The following EVC variants were observed in gnomAD, a reference collection of about 807,000 sequenced individuals.
EVC encodes the protein evC complex member EVC.
EVC carries 116 observed loss-of-function variants against 118.9 expected under a neutral mutation model. That is an observed-to-expected ratio of 0.98 (90% CI 0.84 to 1.14). The LOEUF (loss-of-function observed/expected upper bound fraction) is 1.14. Ranked by LOEUF, EVC falls within the 50% of genes most tolerant of loss-of-function variation. The pLI is 0.00. For synonymous variants in EVC, 619 were observed against 534.7 expected (o/e 1.16, Z -2.18); for missense variants, 1,401 against 1,246.4 (o/e 1.12, Z -1.87).
the EVC span, among the ~76,000 whole-genome samples, chr4:5,827,733 G>GCACGCACACACACACACA: frequency 2.9e-5 from 4 of 138,276 alleles, no homozygotes; most frequent in African/African-American, 1.1e-4. Context: ...ATGTGCGCGT[G>GCACGCACACACACACACA]CACACACACA....
At chr4:5,770,096 C>T (rs1300207335) in intron 11 of EVC, among the ~76,000 whole-genome samples, 1 of 152,074 alleles carries the variant, frequency 6.6e-6, no homozygotes, top group East Asian at 1.9e-4. Flanking sequence ...TTCTGGGTGT[C>T]CTCTCCTGGT....
At chr4:5,828,235 A>G in the EVC span, 5 of 985,350 alleles carry the variant, frequency 5.1e-6, no homozygotes, top group Non-Finnish European at 6.0e-6. Context: ...CCCTCCCATG[A>G]TCCACCCACC....
In EVC at chr4:5,743,970, T is replaced by C. The variant is rs2152018920; in HGVS notation, c.802-1234T>C. On this transcript the variant is annotated intron_variant, in intron 6 of 20. Coordinates refer to ENST00000264956, the MANE Select transcript of EVC (RefSeq NM_153717.3). The surrounding 1 kb of genome is among the most constrained non-coding windows in gnomAD (Gnocchi z 4.7). ...GTTATAATAGAAAGAATAAGAGCCT[T>C]GGAGTCTGCAGACCTCAGATCAAAT... 1.3e-5 allele frequency among the ~76,000 whole-genome samples: 2 copies of C among 152,278 alleles called. No individual in the cohort carries two copies. The highest frequency in any genetic ancestry group is 3.9e-4 in the East Asian group (2 of 5,184).
At chr4:5,763,377 G>T in intron 11 of EVC, among the ~76,000 whole-genome samples, 1 of 147,152 alleles carries the variant, frequency 6.8e-6, no homozygotes, top group South Asian at 2.2e-4. Flanking sequence ...TTGACTTGGC[G>T]ATGTGGGCTC....
chr4:5,760,920 C>T (rs996689949), intron 11 of EVC, among the ~76,000 whole-genome samples: 8 of 152,186 alleles, frequency 5.3e-5, no homozygotes, highest in African/African-American at 1.9e-4. Context: ...TTTACTTTGC[C>T]ATTTCATCAC....
chr4:5,741,670 C>A, intron 5 of EVC, 46 bp from the exon 6 acceptor site: 1 of 1,141,952 alleles, frequency 8.8e-7, no homozygotes, highest in African/African-American at 1.5e-5. Flanking sequence ...ACAAAAATAC[C>A]ATTGATTAAA....
downstream of EVC, among the ~76,000 whole-genome samples, chr4:5,817,121 G>T (rs1007538643): frequency 2.0e-5 from 3 of 152,232 alleles, no homozygotes; most frequent in African/African-American, 7.2e-5. Context: ...TGCCCACATG[G>T]CTACAAGTGA....
rs760124824 is a variant in EVC at position 5,809,619 on chromosome 4, A to G, written c.2782+8A>G. On this transcript the variant is annotated splice_region_variant and intron_variant, in intron 19 of 20. Coordinates refer to ENST00000264956, the MANE Select transcript of EVC (RefSeq NM_153717.3). ...CTAAGCGTGGGCTGCTAGGTGAGTC[A>G]CAGATGCTTGAGTTGCAGCGGGAAG... 6.2e-7 allele frequency: 1 copy of G among 1,613,618 alleles called. No individual in the cohort carries two copies. The highest frequency in any genetic ancestry group is 2.2e-5 in the East Asian group (1 of 44,876).
intron 11 of EVC, among the ~76,000 whole-genome samples, chr4:5,778,425 C>G (rs1735061601): frequency 6.6e-6 from 1 of 151,162 alleles, no homozygotes; most frequent in Non-Finnish European, 1.5e-5. Context: ...CTGACTTCCA[C>G]AATGGTTGAA....
intron 5 of EVC, 148 bp downstream of exon 5, chr4:5,733,583 A>G: frequency 1.3e-6 from 1 of 775,728 alleles, no homozygotes. Flanking sequence ...CGGCGCTGTC[A>G]GGCATGCAGC....
chr4:5,736,982 C>T (rs1727793551), intron 5 of EVC, among the ~76,000 whole-genome samples: 1 of 152,178 alleles, frequency 6.6e-6, no homozygotes, highest in Admixed American at 6.5e-5. Flanking sequence ...CTGAGATAGG[C>T]TGAAAGCTGG....
intron 8 of EVC, 58 bp downstream of exon 8, chr4:5,748,364 C>G: frequency 6.3e-7 from 1 of 1,588,816 alleles, no homozygotes; most frequent in Middle Eastern, 1.8e-4. Flanking sequence ...GATATGGAAT[C>G]CTGAGGCTTG....
At chr4:5,801,898 G>A (rs1284254249) in intron 15 of EVC, 52 bp from the exon 16 acceptor site, 2 of 1,598,400 alleles carry the variant, frequency 1.3e-6, no homozygotes, top group East Asian at 2.2e-5. Context: ...GGCCGTGGGT[G>A]GCTCCCACGT....
rs372548610 is a variant in EVC at position 5,745,322 on chromosome 4, C to G, written c.920C>G (p.Ser307Cys). ...GTGGAAAAGAAGGAGAGAGAATACT[C>G]TGAACAGCTAATCGATAATGTGCGT... Reference protein sequence around the residue: ...ADVEKKEREYSEQLIDNMEAF... With the variant: ...ADVEKKEREYCEQLIDNMEAF... Residue 307 changes from serine to cysteine, a missense_variant, in exon 7 of 21, where the codon TCT becomes TGT. Transcript: ENST00000264956. 4.0e-5 allele frequency: 65 copies of G among 1,613,936 alleles called. No homozygotes were observed. Among genetic ancestry groups the G allele is most frequent in the Non-Finnish European group, 5.2e-5 (61 of 1,179,974 alleles).
intron 18 of EVC, among the ~76,000 whole-genome samples, chr4:5,809,058 T>C (rs1716473764): frequency 6.6e-6 from 1 of 152,246 alleles, no homozygotes; most frequent in Non-Finnish European, 1.5e-5. Flanking sequence ...TTACTGCTAC[T>C]GTCCCCATTA....
rs563707585 is a variant in EVC, at chr4:5,790,735, G to A, written c.1777-2873G>A. On this transcript the variant is annotated intron_variant, in intron 12 of 20. Coordinates refer to ENST00000264956, the MANE Select transcript of EVC (RefSeq NM_153717.3). ...CTTTTAAAAACAGAGGAGATTAATA[G>A]CCCTAAAAACAAGACACTGTGAAAC... Among the ~76,000 whole-genome samples, 103 of 152,128 alleles carry A rather than the reference G, an allele frequency of 6.8e-4. 1 individual carries two copies. The highest frequency in any genetic ancestry group is 1.1e-3 in the Non-Finnish European group (78 of 68,026).
In EVC at chr4:5,754,126, G is replaced by T. The variant is rs1443942571; in HGVS notation, c.1464+193G>T. On this transcript the variant is annotated intron_variant, in intron 10 of 20. Coordinates refer to ENST00000264956, the MANE Select transcript of EVC (RefSeq NM_153717.3). The surrounding 1 kb of genome is among the most constrained non-coding windows in gnomAD (Gnocchi z 5.8). ...GGGTCCTAGTGGACTGTAAGCTGGT[G>T]ATAAGAGTTGTGCTGCCCTCACTGG... Among the ~76,000 whole-genome samples the T allele has an allele frequency of 6.6e-6, 1 of 152,186 alleles. No homozygotes were observed. The highest frequency in any genetic ancestry group is 2.4e-5 in the African/African-American group (1 of 41,446).
intron 11 of EVC, among the ~76,000 whole-genome samples, chr4:5,779,467 C>T (rs1412965941): frequency 6.7e-6 from 1 of 150,216 alleles, no homozygotes; most frequent in East Asian, 1.9e-4. Flanking sequence ...TTCTTCCTAC[C>T]CATGAGCATG....
At chr4:5,816,627 C>T (rs556233169), downstream of EVC, among the ~76,000 whole-genome samples, 67 of 138,090 alleles carry the variant, frequency 4.9e-4, no homozygotes, top group Non-Finnish European at 9.2e-4. Context: ...TCTTTTCTCC[C>T]TCCCTCCTTC....
Sources: gnomAD v4.1 joint callset for allele counts (sites outside exome capture counted in the v4.1 genomes callset) on GRCh38, gnomAD v4.1.1 for gene constraint, Gnocchi (gnomAD v3.1) non-coding constraint, MANE v1.5 for transcripts, NCBI Gene and HGNC (gene_info 2026-07-23, HGNC 2026-07-21) for gene names.